Variants in TLN2 observed in about 807,000 individuals in gnomAD.
The protein encoded by TLN2 is talin 2.
In TLN2, 118 loss-of-function variants were observed where a neutral mutation model predicts 294.7. The ratio of observed to expected loss-of-function variants is 0.40; its 90% CI spans 0.34 to 0.47. The LOEUF (loss-of-function observed/expected upper bound fraction) is 0.47. Among genes scored for constraint, TLN2 ranks in the 20% least tolerant of loss-of-function variants. TLN2 has a pLI of 0.84. For synonymous variants in TLN2, 1,431 were observed against 1,304.5 expected (o/e 1.10, Z -2.09); for missense variants, 3,083 against 3,282.2 (o/e 0.94, Z 1.48).
chr15:62,753,824 G>A lies in TLN2; in HGVS notation c.4384G>A (p.Gly1462Ser), dbSNP rs968418102. 1 of 1,612,292 alleles carries A rather than the reference G, an allele frequency of 6.2e-7. No homozygotes were observed. The highest frequency in any genetic ancestry group is 8.5e-7 in the Non-Finnish European group (1 of 1,179,248). Residue 1462 changes from glycine (G) to serine (S), a missense_variant, in exon 36 of 59, where the codon GGC (glycine) becomes AGC (serine). Coordinates refer to ENST00000636159, the MANE Select transcript of TLN2 (RefSeq NM_015059.3). ...TCCAAACAGCCAGGCAGGCCACCAG[G>A]GCCTGGTGGACCCCATCCAGTTTGC... ...SDPNSQAGHQ[G>S]LVDPIQFARA...
chr15:62,713,919 GTGTGTGTGTA>G (rs1344765710), intron 22 of TLN2, among the ~76,000 whole-genome samples: 2 of 123,890 alleles, frequency 1.6e-5, no homozygotes, highest in Admixed American at 8.5e-5. Flanking sequence ...TATATATGCT[GTGTGTGTGTA>G]TGTGTGTGTG....
intron 3 of TLN2, among the ~76,000 whole-genome samples, chr15:62,643,450 T>C (rs1321693540): frequency 2.8e-5 from 4 of 144,828 alleles, no homozygotes; most frequent in Non-Finnish European, 6.0e-5. Context: ...TGGTATATTG[T>C]GTTCCTGTGA....
At chr15:62,723,368 A>T (rs1397915326) in intron 26 of TLN2, among the ~76,000 whole-genome samples, 2 of 152,002 alleles carry the variant, frequency 1.3e-5, no homozygotes, top group African/African-American at 4.8e-5. Context: ...CCTCTGAGAA[A>T]CCAGATTAGA....
At chr15:62,446,827 A>G (rs990570870) in intron 1 of TLN2, among the ~76,000 whole-genome samples, 2 of 152,222 alleles carry the variant, frequency 1.3e-5, no homozygotes, top group Non-Finnish European at 2.9e-5. Flanking sequence ...TGAATATTCT[A>G]CTTAAGATAA....
At chr15:62,827,703 G>A (rs960350222) in intron 54 of TLN2, 3 of 152,154 alleles carry the variant, frequency 2.0e-5, no homozygotes, top group Non-Finnish European at 2.9e-5. Context: ...TTGGAATTAT[G>A]GATACATAAC....
chr15:62,415,706 G>A (rs1191216365), intron 1 of TLN2, among the ~76,000 whole-genome samples: 1 of 152,228 alleles, frequency 6.6e-6, no homozygotes, highest in East Asian at 1.9e-4. Flanking sequence ...TGTTCCAAGG[G>A]TTGGGCCAGT....
intron 1 of TLN2, among the ~76,000 whole-genome samples, chr15:62,566,652 C>T (rs1464925611): frequency 2.0e-5 from 3 of 149,336 alleles, no homozygotes; most frequent in African/African-American, 4.9e-5. Flanking sequence ...GAGATAGGGC[C>T]TTGCTGTGTT....
intron 16 of TLN2, among the ~76,000 whole-genome samples, chr15:62,700,063 G>A (rs558245691): frequency 1.3e-5 from 2 of 152,276 alleles, no homozygotes; most frequent in Non-Finnish European, 2.9e-5. Context: ...GTGCGTGGAG[G>A]TTGCTGGTAA....
At chr15:62,472,790 G>A (rs1412752921) in intron 1 of TLN2, among the ~76,000 whole-genome samples, 1 of 152,168 alleles carries the variant, frequency 6.6e-6, no homozygotes, top group Non-Finnish European at 1.5e-5. Flanking sequence ...TCCGACCGAC[G>A]GATGACTTGA....
chr15:62,793,987 CGAG>C (rs773554038), intron 46 of TLN2, among the ~76,000 whole-genome samples: 14 of 151,788 alleles, frequency 9.2e-5, no homozygotes, highest in Admixed American at 2.0e-4. Flanking sequence ...ACTCCACAGA[CGAG>C]GAAATAAATC....
chr15:62,546,698 A>C (rs902113385), intron 1 of TLN2, among the ~76,000 whole-genome samples: 2 of 152,214 alleles, frequency 1.3e-5, no homozygotes, highest in African/African-American at 4.8e-5. Context: ...AGGAAAGGCA[A>C]AATCAGTTTG....
chr15:62,780,765 G>A (rs1362372767), intron 43 of TLN2, among the ~76,000 whole-genome samples: 1 of 152,182 alleles, frequency 6.6e-6, no homozygotes, highest in African/African-American at 2.4e-5. Context: ...CTGGCACTTT[G>A]CGCTTCCCTA....
intron 54 of TLN2, chr15:62,828,180 G>A (rs1254560781): frequency 6.6e-6 from 1 of 152,360 alleles, no homozygotes; most frequent in Non-Finnish European, 1.5e-5. Context: ...TTTTTAAAGG[G>A]TGAGCAAGGA....
At chr15:62,652,593 A>G (rs556552559) in intron 6 of TLN2, among the ~76,000 whole-genome samples, 3 of 152,288 alleles carry the variant, frequency 2.0e-5, no homozygotes, top group Middle Eastern at 3.4e-3. Flanking sequence ...AGACTTACCT[A>G]TCTTAGTTTT....
intron 22 of TLN2, among the ~76,000 whole-genome samples, chr15:62,714,654 A>T (rs1045101656): frequency 6.6e-6 from 1 of 152,170 alleles, no homozygotes; most frequent in Non-Finnish European, 1.5e-5. Flanking sequence ...TTTAACTTTT[A>T]GTTAAAAGTT....
chr15:62,650,204 G>A (rs1329061669), intron 5 of TLN2, 23 bp downstream of exon 5: 3 of 1,612,300 alleles, frequency 1.9e-6, no homozygotes, highest in Non-Finnish European at 2.5e-6. Context: ...TCCCAGTGCT[G>A]TTTCTTCATC....
At chr15:62,739,846 A>ATTAGAACAGCTCT (rs890821746) in intron 31 of TLN2, among the ~76,000 whole-genome samples, 5 of 152,170 alleles carry the variant, frequency 3.3e-5, no homozygotes, top group Admixed American at 1.3e-4. Flanking sequence ...TTTAACAAAG[A>ATTAGAACAGCTCT]TTAGAACAGC....
chr15:62,627,462 T>C (rs1441116856), intron 3 of TLN2, among the ~76,000 whole-genome samples: 1 of 152,216 alleles, frequency 6.6e-6, no homozygotes, highest in African/African-American at 2.4e-5. Context: ...TTTTACCTTA[T>C]ATTCAGAATG....
chr15:62,692,774 C>T (rs1274134277), intron 12 of TLN2, 66 bp from the exon 13 acceptor site: 10 of 1,265,054 alleles, frequency 7.9e-6, no homozygotes, highest in Non-Finnish European at 1.1e-5. Context: ...TAGAGCTGGA[C>T]CTGCTAGCCT....
Sources: gnomAD v4.1 joint callset for allele counts (sites outside exome capture counted in the v4.1 genomes callset) on GRCh38, gnomAD v4.1.1 for gene constraint, MANE v1.5 for transcripts, NCBI Gene and HGNC (gene_info 2026-07-23, HGNC 2026-07-21) for gene names.